Variants in LHFPL3 observed in about 807,000 individuals in gnomAD.
LHFPL3 encodes the protein LHFPL tetraspan subfamily member 3 protein.
LHFPL3 carries 5 observed loss-of-function variants against 19.3 expected under a neutral mutation model. That is an observed-to-expected ratio of 0.26 (90% CI 0.14 to 0.54). LHFPL3 has a LOEUF of 0.54. Ranked by LOEUF, LHFPL3 falls within the 20% of genes least tolerant of loss-of-function variation. The probability of loss-of-function intolerance (pLI) is 0.94; values close to 1 mark genes in which losing one functional copy is unlikely to be tolerated. For missense variants in LHFPL3, 249 were observed against 307.4 expected (o/e 0.81, Z 1.42); for synonymous variants, 133 against 126.2 (o/e 1.05, Z -0.36).
intron 1 of LHFPL3, among the ~76,000 whole-genome samples, chr7:104,381,130 C>A (rs1171799661): frequency 6.6e-6 from 1 of 152,110 alleles, no homozygotes; most frequent in Non-Finnish European, 1.5e-5. Flanking sequence ...AGCATGATGA[C>A]AAAATTAAAA....
rs1455580200 is a variant in LHFPL3, at chr7:104,520,817, G to A, written c.445+191593G>A. Among the ~76,000 whole-genome samples, 536 of 143,460 alleles carry A rather than the reference G, an allele frequency of 3.7e-3. 2 individuals carry two copies. Among genetic ancestry groups the A allele is most frequent in the African/African-American group, 0.014 (517 of 38,020 alleles). The allele number at this position is 143,460 out of a possible 152,430, so 94.1% of individuals were successfully genotyped here. A position where few individuals can be genotyped will look rare whatever the true frequency, so the allele number is the denominator to read the frequency against. On this transcript the variant is annotated intron_variant, in intron 1 of 2. Coordinates refer to ENST00000424859, the MANE Select transcript of LHFPL3 (RefSeq NM_199000.3). ...TATCCCCTTTATCATTTTTTATTGC[G>A]TCTATTTGATTCTTCTCTCTTTTTT...
At chr7:104,353,399 A>G (rs1790217290) in intron 1 of LHFPL3, among the ~76,000 whole-genome samples, 1 of 152,196 alleles carries the variant, frequency 6.6e-6, no homozygotes, top group Non-Finnish European at 1.5e-5. Context: ...ATTTCTTAAC[A>G]TTCTGTCACT....
intron 1 of LHFPL3, among the ~76,000 whole-genome samples, chr7:104,527,820 T>TA (rs1794219335): frequency 6.6e-6 from 1 of 152,174 alleles, no homozygotes; most frequent in Admixed American, 6.5e-5. Flanking sequence ...TCACTTCTTT[T>TA]AAAAAACTTT....
intron 1 of LHFPL3, among the ~76,000 whole-genome samples, chr7:104,704,352 A>G (rs767736903): frequency 3.9e-5 from 6 of 152,252 alleles, no homozygotes; most frequent in Non-Finnish European, 8.8e-5. Context: ...CCCTTTTAGT[A>G]TGTGTTTTGT....
intron 1 of LHFPL3, among the ~76,000 whole-genome samples, chr7:104,687,153 G>T (rs934207202): frequency 6.6e-6 from 1 of 152,210 alleles, no homozygotes; most frequent in Non-Finnish European, 1.5e-5. Flanking sequence ...TCTTTGCTGG[G>T]CAGCTCACAG....
At chr7:104,847,345 G>A (rs527902666) in intron 2 of LHFPL3, among the ~76,000 whole-genome samples, 1 of 152,328 alleles carries the variant, frequency 6.6e-6, no homozygotes, top group Admixed American at 6.5e-5. Flanking sequence ...TAATTCAAAA[G>A]CCAATAAGGC....
chr7:104,575,995 G>A (rs1790330798), intron 1 of LHFPL3, among the ~76,000 whole-genome samples: 1 of 152,098 alleles, frequency 6.6e-6, no homozygotes, highest in South Asian at 2.1e-4. Context: ...TCCCTCTCCT[G>A]AGGGCAAGAA....
At chr7:104,667,775 T>C in intron 1 of LHFPL3, 2 of 1,592,948 alleles carry the variant, frequency 1.3e-6, no homozygotes, top group Non-Finnish European at 1.7e-6. Context: ...AAAAGAAGAA[T>C]AAGAAGGGGA....
intron 1 of LHFPL3, among the ~76,000 whole-genome samples, chr7:104,623,497 G>A (rs534251849): frequency 1.7e-5 from 2 of 119,822 alleles, no homozygotes; most frequent in East Asian, 4.8e-4. Flanking sequence ...GGGCATGGTG[G>A]TGCATGCCTG....
At position 104,332,711 on chromosome 7, in the gene LHFPL3, C is replaced by T. The variant is rs556629695; in HGVS notation, c.445+3487C>T. ...TGTGAAGCACATTTAATTTTCGTGC[C>T]GTTATGAACACCTTATCCTCTCCCT... On this transcript the variant is annotated intron_variant, in intron 1 of 2. Coordinates refer to ENST00000424859, the MANE Select transcript of LHFPL3 (RefSeq NM_199000.3). Among the ~76,000 whole-genome samples the T allele has an allele frequency of 4.2e-4, 64 of 151,992 alleles. No homozygotes were observed. In the South Asian group the frequency reaches 5.6e-3, roughly 13 times the overall value.
At chr7:104,808,582 G>A (rs1584545909) in intron 2 of LHFPL3, among the ~76,000 whole-genome samples, 2 of 152,310 alleles carry the variant, frequency 1.3e-5, no homozygotes, top group East Asian at 1.9e-4. Flanking sequence ...AGGAGAAGAG[G>A]TGAAAAAGAC....
At chr7:104,493,024 C>A (rs1344547331) in intron 1 of LHFPL3, among the ~76,000 whole-genome samples, 1 of 152,198 alleles carries the variant, frequency 6.6e-6, no homozygotes, top group East Asian at 1.9e-4. Flanking sequence ...ATTTATTTAA[C>A]CTTCAAATTT....
In LHFPL3 at chr7:104,453,801, C is replaced by T. The variant is rs946474107; in HGVS notation, c.445+124577C>T. On this transcript the variant is annotated intron_variant, in intron 1 of 2. Coordinates refer to ENST00000424859, the MANE Select transcript of LHFPL3 (RefSeq NM_199000.3). The stretch of plus-strand genomic sequence containing the variant: ...TGAGATCTGGTCATTTAAAAGTGTG[C>T]GCTGCCTCCCCCCTGCCCCACTTCC... 3.9e-5 allele frequency among the ~76,000 whole-genome samples: 6 copies of T among 151,956 alleles called. No homozygotes were observed. In the East Asian group the frequency reaches 5.8e-4, roughly 15 times the overall value.
chr7:104,572,115 AC>A (rs775135280), intron 1 of LHFPL3, among the ~76,000 whole-genome samples: 3 of 152,214 alleles, frequency 2.0e-5, no homozygotes, highest in Non-Finnish European at 4.4e-5. Flanking sequence ...AAACAAATGT[AC>A]CAGATCAAAA....
At chr7:104,409,325 T>A (rs1002876079) in intron 1 of LHFPL3, among the ~76,000 whole-genome samples, 2 of 151,790 alleles carry the variant, frequency 1.3e-5, no homozygotes, top group Non-Finnish European at 2.9e-5. Flanking sequence ...TGTGTGTGTG[T>A]GTGTGTGTGT....
At chr7:104,621,443 C>A (rs1033051852) in intron 1 of LHFPL3, among the ~76,000 whole-genome samples, 3 of 152,226 alleles carry the variant, frequency 2.0e-5, no homozygotes, top group African/African-American at 7.2e-5. Context: ...TTCCATTCCA[C>A]CAGACTCATA....
intron 1 of LHFPL3, among the ~76,000 whole-genome samples, chr7:104,440,195 A>C (rs1159826214): frequency 6.6e-6 from 1 of 151,850 alleles, no homozygotes; most frequent in Admixed American, 6.6e-5. Flanking sequence ...AAAAAATACA[A>C]AGCCATACAC....
At chr7:104,816,046 T>C (rs1206577393) in intron 2 of LHFPL3, among the ~76,000 whole-genome samples, 1 of 152,180 alleles carries the variant, frequency 6.6e-6, no homozygotes. Context: ...CATTGTGTGC[T>C]TTCTGTCACC....
intron 1 of LHFPL3, among the ~76,000 whole-genome samples, chr7:104,426,527 A>G (rs1036119545): frequency 6.6e-6 from 1 of 152,100 alleles, no homozygotes; most frequent in Non-Finnish European, 1.5e-5. Context: ...AAGTGCTGGG[A>G]TTACAGGCAT....
Sources: gnomAD v4.1 joint callset for allele counts (sites outside exome capture counted in the v4.1 genomes callset) on GRCh38, gnomAD v4.1.1 for gene constraint, MANE v1.5 for transcripts, NCBI Gene and HGNC (gene_info 2026-07-23, HGNC 2026-07-21) for gene names.